DLC1: variants seen among roughly 807,000 people sequenced by gnomAD.
The protein encoded by DLC1 is rho GTPase-activating protein 7.
DLC1 carries 54 observed loss-of-function variants against 140.3 expected under a neutral mutation model. The ratio of observed to expected loss-of-function variants is 0.38; its 90% CI spans 0.31 to 0.48. The LOEUF is 0.48. Ranked by LOEUF, DLC1 falls within the 20% of genes least tolerant of loss-of-function variation. The probability of loss-of-function intolerance (pLI) is 0.96; values close to 1 mark genes in which losing one functional copy is unlikely to be tolerated. For synonymous variants in DLC1, 986 were observed against 728.1 expected, an observed-to-expected ratio of 1.35 and a Z score of -5.70; for missense variants, 2,536 against 1,907.0, an observed-to-expected ratio of 1.33 and a Z score of -6.14.
intron 1 of DLC1, among the ~76,000 whole-genome samples, chr8:13,500,574 A>G (rs2117206757): frequency 6.6e-6 from 1 of 152,338 alleles, no homozygotes; most frequent in South Asian, 2.1e-4. Flanking sequence ...TACTTTTGTG[A>G]ACACAAGTTG....
chr8:13,371,257 T>C (rs778015693), intron 4 of DLC1, among the ~76,000 whole-genome samples: 134 of 152,210 alleles, frequency 8.8e-4, no homozygotes, highest in Non-Finnish European at 1.6e-3. Flanking sequence ...GGCGTCATCA[T>C]TTTGTCCCTG....
chr8:13,305,161 A>G lies in DLC1; in HGVS notation c.1348+108T>C, dbSNP rs533185552. On this transcript the variant is annotated intron_variant, in intron 5 of 17. Coordinates refer to ENST00000276297, the MANE Select transcript of DLC1 (RefSeq NM_182643.3). ...CAGAATTTAAACAACATTTTCCCAT[A>G]TATTCATGAGATGTATACATTTTAT... 11 of 1,452,336 alleles carry G rather than the reference A, an allele frequency of 7.6e-6. No individual in the cohort carries two copies. In the East Asian group the frequency reaches 2.8e-4, roughly 37 times the overall value. 90.0% of individuals were successfully genotyped at this position (1,452,336 alleles called of 1,614,324 possible).
intron 2 of DLC1, among the ~76,000 whole-genome samples, chr8:13,484,346 C>A (rs563705174): frequency 6.6e-6 from 1 of 152,274 alleles, no homozygotes; most frequent in South Asian, 2.1e-4. Context: ...TTCTCAATCT[C>A]TGTTTTTTAG....
In DLC1 at chr8:13,339,458, C is replaced by G. The variant is rs1017942578; in HGVS notation, c.1315-34156G>C. ...TATTTTCCTTTTAGAGACTACATCT[C>G]TAGGAATCATCACACCAGGCAACAG... On this transcript the variant is annotated intron_variant, in intron 4 of 17. Coordinates refer to ENST00000276297, the MANE Select transcript of DLC1 (RefSeq NM_182643.3). 14 of 152,194 alleles carry G rather than the reference C, an allele frequency of 9.2e-5. 1 individual carries two copies. Among genetic ancestry groups the G allele is most frequent in the Admixed American group, 7.9e-4 (12 of 15,276 alleles). The allele number at this position is 152,194 out of a possible 1,614,324, so 9.4% of individuals were successfully genotyped here. A position where few individuals can be genotyped will look rare whatever the true frequency, so the allele number is the denominator to read the frequency against.
chr8:13,329,537 G>A (rs893981296), intron 4 of DLC1, among the ~76,000 whole-genome samples: 9 of 152,010 alleles, frequency 5.9e-5, no homozygotes, highest in Admixed American at 4.6e-4. Flanking sequence ...TACAGTTCAG[G>A]GAAGCTAGAA....
intron 5 of DLC1, among the ~76,000 whole-genome samples, chr8:13,202,701 G>A (rs1027004448): frequency 4.0e-5 from 6 of 151,120 alleles, no homozygotes; most frequent in Non-Finnish European, 7.4e-5. Flanking sequence ...TTTGAGATGC[G>A]GTCTCACTGT....
chr8:13,098,685 A>G (rs1438155624), intron 9 of DLC1, 110 bp from the exon 10 acceptor site: 8 of 1,157,202 alleles, frequency 6.9e-6, no homozygotes, highest in Non-Finnish European at 9.5e-6. Flanking sequence ...GTGCCATCAC[A>G]GCTCACTGCA....
chr8:13,323,019 C>T (rs1333449622), intron 4 of DLC1, among the ~76,000 whole-genome samples: 1 of 152,138 alleles, frequency 6.6e-6, no homozygotes, highest in Admixed American at 6.5e-5. Flanking sequence ...GGAAGCAAGG[C>T]CTCCAACAAC....
upstream of DLC1, among the ~76,000 whole-genome samples, chr8:13,517,554 A>G (rs545958168): frequency 2.6e-5 from 4 of 152,338 alleles, no homozygotes; most frequent in South Asian, 8.3e-4. Context: ...GCTTTACCAA[A>G]TATGAGTGTA....
intron 4 of DLC1, among the ~76,000 whole-genome samples, chr8:13,337,919 A>T (rs975430087): frequency 6.6e-6 from 1 of 152,224 alleles, no homozygotes; most frequent in Admixed American, 6.5e-5. Flanking sequence ...TAGGAATTGT[A>T]TATGCAATTT....
intron 1 of DLC1, among the ~76,000 whole-genome samples, chr8:13,528,645 A>G (rs1286912721): frequency 2.0e-5 from 3 of 152,206 alleles, no homozygotes; most frequent in Non-Finnish European, 4.4e-5. Context: ...ATGTAGACAA[A>G]TGAATCACAG....
chr8:13,129,446 T>G (rs1046553867), intron 5 of DLC1, among the ~76,000 whole-genome samples: 3 of 152,218 alleles, frequency 2.0e-5, no homozygotes, highest in Admixed American at 2.0e-4. Context: ...AGGAACGTAT[T>G]TTTTAGTGTC....
At chr8:13,553,230 A>G (rs868063172) in intron 1 of DLC1, among the ~76,000 whole-genome samples, 34 of 128,100 alleles carry the variant, frequency 2.7e-4, no homozygotes, top group African/African-American at 6.9e-4. Flanking sequence ...ATATATATGT[A>G]TATATATATA....
In DLC1 at chr8:13,088,823, T is replaced by A. The variant is rs1212155224; in HGVS notation, c.4075-119A>T. On this transcript the variant is annotated intron_variant, in intron 15 of 17. Coordinates refer to ENST00000276297, the MANE Select transcript of DLC1 (RefSeq NM_182643.3). ...ATATAATCAACGTTAATTGATTAAA[T>A]GATATAAATAATACTATATAATCAG... 5.3e-6 allele frequency: 4 copies of A among 761,040 alleles called. No homozygotes were observed. The East Asian group carries it at 1.1e-4, about 20-fold the overall frequency. The allele number at this position is 761,040 out of a possible 1,614,324, so 47.1% of individuals were successfully genotyped here. A position where few individuals can be genotyped will look rare whatever the true frequency, so the allele number is the denominator to read the frequency against.
chr8:13,477,143 G>A (rs1176767232), intron 2 of DLC1, among the ~76,000 whole-genome samples: 1 of 152,104 alleles, frequency 6.6e-6, no homozygotes, highest in Non-Finnish European at 1.5e-5. Flanking sequence ...GGAAGCACAT[G>A]CTCTCTGCCT....
chr8:13,481,963 C>T (rs778239889), intron 2 of DLC1, among the ~76,000 whole-genome samples: 2 of 152,122 alleles, frequency 1.3e-5, no homozygotes, highest in Non-Finnish European at 2.9e-5. Flanking sequence ...CAAAGAATGC[C>T]AAAGATTAGC....
intron 2 of DLC1, among the ~76,000 whole-genome samples, chr8:13,437,072 C>T (rs1661984227): frequency 6.6e-6 from 1 of 152,168 alleles, no homozygotes; most frequent in African/African-American, 2.4e-5. Context: ...ATCTGATGGC[C>T]CAATGAACTT....
upstream of DLC1, chr8:13,514,873 C>G: frequency 2.6e-6 from 1 of 381,704 alleles, no homozygotes. Flanking sequence ...AAAGGGGCCT[C>G]CACAACCAGG....
At chr8:13,183,833 A>G (rs1826184259) in intron 5 of DLC1, among the ~76,000 whole-genome samples, 1 of 152,106 alleles carries the variant, frequency 6.6e-6, no homozygotes, top group South Asian at 2.1e-4. Context: ...GGCCTCATAA[A>G]ATGAGTTAGG....
Sources: gnomAD v4.1 joint callset for allele counts (sites outside exome capture counted in the v4.1 genomes callset) on GRCh38, gnomAD v4.1.1 for gene constraint, MANE v1.5 for transcripts, NCBI Gene and HGNC (gene_info 2026-07-23, HGNC 2026-07-21) for gene names.